Variants in GFOD1 observed in about 807,000 individuals in gnomAD.
GFOD1 encodes glucose-fructose oxidoreductase domain-containing protein 1.
GFOD1 carries 9 observed loss-of-function variants against 25.4 expected under a neutral mutation model. The observed-to-expected ratio is 0.35, with a 90% CI of 0.21 to 0.62. The LOEUF is 0.62. GFOD1 is among the 20% of genes least tolerant of loss of function. The pLI is 0.72. For missense variants in GFOD1, 403 were observed against 556.9 expected (o/e 0.72, Z 2.78); for synonymous variants, 253 against 245.6 (o/e 1.03, Z -0.28).
chr6:13,374,641 T>C (rs1054822326), intron 1 of GFOD1, among the ~76,000 whole-genome samples: 2 of 151,048 alleles, frequency 1.3e-5, no homozygotes, highest in African/African-American at 4.9e-5. Flanking sequence ...GTAATAATTA[T>C]ACATATTGCT....
chr6:13,471,340 G>A (rs1014674577), intron 1 of GFOD1, among the ~76,000 whole-genome samples: 4 of 152,184 alleles, frequency 2.6e-5, no homozygotes, highest in East Asian at 1.9e-4. Flanking sequence ...TTACCTCCCC[G>A]AGAGGATGGC....
intron 1 of GFOD1, among the ~76,000 whole-genome samples, chr6:13,471,092 G>A (rs1025575549): frequency 2.0e-5 from 3 of 152,146 alleles, no homozygotes; most frequent in African/African-American, 7.2e-5. Context: ...GAATAAAGTC[G>A]GAAACCCCAT....
In GFOD1 at chr6:13,385,522, C is replaced by T. The variant is rs79696823; in HGVS notation, c.254-19860G>A. ...TGTGGGTCCAAAGAGAACTCTTGTC[C>T]TATATTTTTGCCAGACAAGAGAAGA... On this transcript the variant is annotated intron_variant, in intron 1 of 1. Transcript: ENST00000379287. Among the ~76,000 whole-genome samples, 268 of 152,180 alleles carry T rather than the reference C, an allele frequency of 1.8e-3. 2 individuals carry two copies. The East Asian group carries it at 0.022, about 13-fold the overall frequency.
At chr6:13,391,168 A>AT (rs1785597357) in intron 1 of GFOD1, among the ~76,000 whole-genome samples, 1 of 152,190 alleles carries the variant, frequency 6.6e-6, no homozygotes, top group African/African-American at 2.4e-5. Context: ...TGAACATTCG[A>AT]TTTTTTTGTT....
At chr6:13,369,272 C>T (rs1052483367) in intron 1 of GFOD1, among the ~76,000 whole-genome samples, 18 of 152,338 alleles carry the variant, frequency 1.2e-4, no homozygotes, top group East Asian at 3.9e-4. Flanking sequence ...TCTTAACACA[C>T]GATATCTTCA....
intron 1 of GFOD1, among the ~76,000 whole-genome samples, chr6:13,442,860 G>A (rs1757938814): frequency 1.3e-5 from 2 of 152,180 alleles, no homozygotes; most frequent in Non-Finnish European, 2.9e-5. Context: ...TTTCATGCCT[G>A]TAGCCCATGG....
chr6:13,432,422 G>A (rs1273991855), intron 1 of GFOD1, among the ~76,000 whole-genome samples: 2 of 151,732 alleles, frequency 1.3e-5, no homozygotes, highest in East Asian at 3.9e-4. Flanking sequence ...TCACTAGGTT[G>A]GTCTCAAAAT....
In GFOD1 at chr6:13,359,309, T is replaced by G. The variant is rs548592527; in HGVS notation, c.*5434A>C. On this transcript the variant is annotated 3_prime_UTR_variant, in exon 2 of 2. Coordinates refer to ENST00000379287, the MANE Select transcript of GFOD1 (RefSeq NM_018988.4). ...TTCTCCCCAAAAGGAAACTAAAATGTGGGGTTCTGATCATTGATTTTTAAA... is the reference window on the plus strand; with the variant it reads ...TTCTCCCCAAAAGGAAACTAAAATGGGGGGTTCTGATCATTGATTTTTAAA... 1.3e-5 allele frequency: 2 copies of G among 152,384 alleles called. No homozygotes were observed. The highest frequency in any genetic ancestry group is 4.8e-5 in the African/African-American group (2 of 41,574). 9.4% of individuals were successfully genotyped at this position (152,384 alleles called of 1,614,324 possible). A position where few individuals can be genotyped will look rare whatever the true frequency, so the allele number is the denominator to read the frequency against.
Position 13,456,473 on chromosome 6 carries a change from C to T in GFOD1, c.253+30165G>A, listed in dbSNP as rs556583565. Reference sequence around the variant, plus strand: ...TACAGGTGTGAGCCACCACACTTGGCCTCCTTTAGCTTTTAAAAATTTCTC... The same window carrying T: ...TACAGGTGTGAGCCACCACACTTGGTCTCCTTTAGCTTTTAAAAATTTCTC... On this transcript the variant is annotated intron_variant, in intron 1 of 1. Transcript: ENST00000379287. Among the ~76,000 whole-genome samples the T allele has an allele frequency of 1.1e-4, 16 of 152,328 alleles. No homozygotes were observed. The South Asian group carries it at 3.3e-3, about 32-fold the overall frequency.
rs2127570074 is a variant in GFOD1, at chr6:13,430,508, A to G, written c.253+56130T>C. ...AGCCATTGCACTGTGAAGGAACCCG[A>G]GCCACATAGGGTATGGCATCAAGCA... On this transcript the variant is annotated intron_variant, in intron 1 of 1. Coordinates refer to ENST00000379287, the MANE Select transcript of GFOD1 (RefSeq NM_018988.4). This position sits in a 1 kb window ranked among gnomAD's most constrained non-coding sequence, Gnocchi z 4.1. Among the ~76,000 whole-genome samples the G allele has an allele frequency of 6.6e-6, 1 of 152,270 alleles. No individual in the cohort carries two copies. Among genetic ancestry groups the G allele is most frequent in the East Asian group, 1.9e-4 (1 of 5,186 alleles).
chr6:13,452,060 G>A (rs1758107764), intron 1 of GFOD1, among the ~76,000 whole-genome samples: 1 of 152,196 alleles, frequency 6.6e-6, no homozygotes, highest in African/African-American at 2.4e-5. Flanking sequence ...TGGTCAAAGA[G>A]AGATGCTCAG....
At chr6:13,445,232 C>T (rs1212958936) in intron 1 of GFOD1, among the ~76,000 whole-genome samples, 1 of 152,180 alleles carries the variant, frequency 6.6e-6, no homozygotes, top group Non-Finnish European at 1.5e-5. Flanking sequence ...AGATGTTCAC[C>T]AACTCCTGTC....
At chr6:13,398,353 C>G (rs1785777868) in intron 1 of GFOD1, among the ~76,000 whole-genome samples, 1 of 152,178 alleles carries the variant, frequency 6.6e-6, no homozygotes, top group East Asian at 1.9e-4. Context: ...GATACAAGAC[C>G]AGGTAGAACC....
intron 1 of GFOD1, among the ~76,000 whole-genome samples, chr6:13,458,701 GTGCA>G (rs1758235681): frequency 1.5e-5 from 2 of 137,588 alleles, no homozygotes; most frequent in Non-Finnish European, 3.1e-5. Flanking sequence ...AAAGTGCTTT[GTGCA>G]GGTGGTATTG....
intron 1 of GFOD1, among the ~76,000 whole-genome samples, chr6:13,438,747 C>G (rs749455568): frequency 6.6e-6 from 1 of 152,068 alleles, no homozygotes; most frequent in Non-Finnish European, 1.5e-5. Flanking sequence ...GGATTCAACC[C>G]AAACCTTCTG....
chr6:13,465,649 TTCCCA>T (rs1584667973), intron 1 of GFOD1, among the ~76,000 whole-genome samples: 1 of 152,064 alleles, frequency 6.6e-6, no homozygotes, highest in East Asian at 1.9e-4. Context: ...GTTTGACACC[TTCCCA>T]GGTGTTCCTA....
intron 1 of GFOD1, among the ~76,000 whole-genome samples, chr6:13,473,762 C>A (rs1306826434): frequency 6.6e-6 from 1 of 152,118 alleles, no homozygotes; most frequent in African/African-American, 2.4e-5. Context: ...CAGTTGAAGA[C>A]CAACCCACCT....
At chr6:13,387,938 T>C (rs902186778) in intron 1 of GFOD1, among the ~76,000 whole-genome samples, 1 of 152,178 alleles carries the variant, frequency 6.6e-6, no homozygotes, top group Non-Finnish European at 1.5e-5. Flanking sequence ...ACAAAATCAA[T>C]GTGCAAAAAT....
intron 1 of GFOD1, among the ~76,000 whole-genome samples, chr6:13,420,447 A>G (rs886320625): frequency 6.6e-6 from 1 of 152,206 alleles, no homozygotes; most frequent in Non-Finnish European, 1.5e-5. Context: ...CACTTCCTAG[A>G]TACAGCTAGC....
Sources: allele counts gnomAD v4.1 joint callset (sites outside exome capture counted in the v4.1 genomes callset), GRCh38; gene constraint gnomAD v4.1.1; non-coding constraint Gnocchi (gnomAD v3.1); transcripts MANE v1.5; gene names NCBI Gene and HGNC (gene_info 2026-07-23, HGNC 2026-07-21).